Variants in ABCA13 observed in about 807,000 individuals in gnomAD.
ABCA13 encodes the protein ATP-binding cassette sub-family A member 13.
In ABCA13, 476 loss-of-function variants were observed where a neutral mutation model predicts 478.7. That is an observed-to-expected ratio of 0.99 (90% CI 0.92 to 1.07). The LOEUF (loss-of-function observed/expected upper bound fraction) is 1.07. Ranked by LOEUF, ABCA13 falls within the 50% of genes least tolerant of loss-of-function variation. ABCA13 has a pLI of 0.00. For synonymous variants in ABCA13, 2,252 were observed against 2,158.9 expected, an observed-to-expected ratio of 1.04 and a Z score of -1.20; for missense variants, 6,060 against 5,910.6, an observed-to-expected ratio of 1.03 and a Z score of -0.83.
rs577403055 is a variant in ABCA13, at chr7:48,293,299, T to A, written c.8956-2401T>A. 4.6e-5 allele frequency among the ~76,000 whole-genome samples: 7 copies of A among 151,174 alleles called. No homozygotes were observed. In the South Asian group the frequency reaches 1.3e-3, roughly 27 times the overall value. ...TCCCAACCTTGACTTTTCAGCAGTC[T>A]TCACATTTCCTTGGAACATATATTT... is the stretch of plus-strand genomic sequence containing the variant. On this transcript the variant is annotated intron_variant, in intron 20 of 61. Transcript: ENST00000435803.
In ABCA13 at chr7:48,241,135, A is replaced by T. The variant is rs143468323; in HGVS notation, c.1262+69A>T. Reference sequence around the variant, plus strand: ...ACAGAATGTTAAAGAGTGCGTGATGATACTGTTAGAAACACATTCTGTAAA... The same window carrying T: ...ACAGAATGTTAAAGAGTGCGTGATGTTACTGTTAGAAACACATTCTGTAAA... On this transcript the variant is annotated intron_variant, in intron 10 of 61. Coordinates refer to ENST00000435803, the MANE Select transcript of ABCA13 (RefSeq NM_152701.5). 4.6e-6 allele frequency: 7 copies of T among 1,534,452 alleles called. No homozygotes were observed. The Admixed American group carries it at 1.0e-4, about 22-fold the overall frequency.
intron 43 of ABCA13, among the ~76,000 whole-genome samples, chr7:48,460,054 C>T (rs1272658342): frequency 1.3e-5 from 2 of 152,022 alleles, no homozygotes; most frequent in African/African-American, 2.4e-5. Flanking sequence ...TCCTAGTTCT[C>T]CAACTAGGAG....
chr7:48,518,768 A>G (rs1323650058), intron 52 of ABCA13, among the ~76,000 whole-genome samples: 2 of 152,184 alleles, frequency 1.3e-5, no homozygotes, highest in South Asian at 2.1e-4. Flanking sequence ...AAAGAAACCA[A>G]AAAAGGTGAC....
At chr7:48,438,276 G>A (rs1823112142) in intron 42 of ABCA13, among the ~76,000 whole-genome samples, 2 of 152,046 alleles carry the variant, frequency 1.3e-5, no homozygotes, top group South Asian at 4.1e-4. Context: ...AAACACCACA[G>A]AATTTTTCCT....
Position 48,410,518 on chromosome 7 carries a change from A to G in ABCA13, c.12071-2A>G. The G allele has an allele frequency of 6.2e-7, 1 of 1,614,010 alleles. No individual in the cohort carries two copies. The highest frequency in any genetic ancestry group is 8.5e-7 in the Non-Finnish European group (1 of 1,179,868). ...GCTGATGCACCCTGTGCTTGGACCC[A>G]GGTCGTACGATCATCTTCACAACCC... On this transcript the variant is annotated splice_acceptor_variant, in intron 39 of 61. Coordinates refer to ENST00000435803, the MANE Select transcript of ABCA13 (RefSeq NM_152701.5). LOFTEE classifies it high-confidence loss of function.
chr7:48,342,493 C>A (rs1322585435), intron 29 of ABCA13, among the ~76,000 whole-genome samples: 5 of 151,624 alleles, frequency 3.3e-5, no homozygotes, highest in Non-Finnish European at 7.4e-5. Context: ...TATCTTCCAG[C>A]CTCTCCCCCT....
At position 48,350,535 on chromosome 7, in the gene ABCA13, A is replaced by G; in HGVS notation, c.10205-108A>G. ...CTCTTTTGAGCAATTTTTTAGTGGAAGAATTCATATTCATTTTCAAATCCA... is the reference window on the plus strand; with the variant it reads ...CTCTTTTGAGCAATTTTTTAGTGGAGGAATTCATATTCATTTTCAAATCCA... On this transcript the variant is annotated intron_variant, in intron 29 of 61. Coordinates refer to ENST00000435803, the MANE Select transcript of ABCA13 (RefSeq NM_152701.5). 3.1e-6 allele frequency: 4 copies of G among 1,302,396 alleles called. 1 individual carries two copies. The South Asian group carries it at 8.0e-5, about 26-fold the overall frequency. The allele number at this position is 1,302,396 out of a possible 1,614,324, so 80.7% of individuals were successfully genotyped here.
chr7:48,599,975 A>G (rs1260298656), intron 58 of ABCA13, among the ~76,000 whole-genome samples: 1 of 152,080 alleles, frequency 6.6e-6, no homozygotes, highest in Non-Finnish European at 1.5e-5. Context: ...ATTCTTGGGA[A>G]TTTTTTCCTG....
chr7:48,232,376 C>T (rs1203128695), intron 7 of ABCA13, among the ~76,000 whole-genome samples: 3 of 151,854 alleles, frequency 2.0e-5, no homozygotes, highest in Non-Finnish European at 2.9e-5. Flanking sequence ...ATTACAACAA[C>T]AAATTTGCCT....
intron 35 of ABCA13, among the ~76,000 whole-genome samples, chr7:48,384,753 G>GA (rs1276987940): frequency 1.3e-5 from 2 of 152,178 alleles, no homozygotes; most frequent in Non-Finnish European, 2.9e-5. Context: ...CAAACAACAG[G>GA]AATGTGTTGT....
At chr7:48,576,733 C>A (rs1431465859) in intron 55 of ABCA13, among the ~76,000 whole-genome samples, 6 of 152,032 alleles carry the variant, frequency 3.9e-5, no homozygotes, top group Non-Finnish European at 7.4e-5. Flanking sequence ...CCAAAGACAA[C>A]TGGGTATAAA....
intron 8 of ABCA13, among the ~76,000 whole-genome samples, chr7:48,237,462 C>G (rs1790140979): frequency 6.6e-6 from 1 of 152,184 alleles, no homozygotes; most frequent in Admixed American, 6.5e-5. Context: ...CCATGGTTAG[C>G]TTGGTATATG....
At chr7:48,238,337 G>A (rs183322225) in intron 8 of ABCA13, among the ~76,000 whole-genome samples, 5 of 152,210 alleles carry the variant, frequency 3.3e-5, no homozygotes, top group Admixed American at 2.0e-4. Context: ...TTAGACCATG[G>A]CAGTCACCAA....
At chr7:48,524,113 C>G in intron 53 of ABCA13, 135 bp from the exon 54 acceptor site, 5 of 716,060 alleles carry the variant, frequency 7.0e-6, no homozygotes, top group Non-Finnish European at 1.1e-5. Flanking sequence ...CTGGGGTGCT[C>G]TGGACAAAGC....
At chr7:48,477,177 A>G (rs1828195606) in intron 45 of ABCA13, among the ~76,000 whole-genome samples, 3 of 152,156 alleles carry the variant, frequency 2.0e-5, no homozygotes, top group South Asian at 4.1e-4. Flanking sequence ...GGACACCTAC[A>G]CGGATAATGG....
chr7:48,235,194 A>C (rs1789764376), intron 8 of ABCA13, among the ~76,000 whole-genome samples: 1 of 152,142 alleles, frequency 6.6e-6, no homozygotes, highest in South Asian at 2.1e-4. Flanking sequence ...TCCCTGGCAC[A>C]ATTTTATTAA....
At chr7:48,522,611 G>A (rs959848975) in intron 53 of ABCA13, among the ~76,000 whole-genome samples, 3 of 152,192 alleles carry the variant, frequency 2.0e-5, no homozygotes, top group Non-Finnish European at 4.4e-5. Context: ...TAACTAAGTG[G>A]CACATTTCTG....
At chr7:48,393,596 C>T (rs982986571) in intron 38 of ABCA13, among the ~76,000 whole-genome samples, 1 of 152,174 alleles carries the variant, frequency 6.6e-6, no homozygotes, top group Non-Finnish European at 1.5e-5. Context: ...TGAAAGCTCA[C>T]AGGGTTTGGG....
intron 31 of ABCA13, among the ~76,000 whole-genome samples, chr7:48,360,088 C>T (rs184646951): frequency 8.6e-5 from 13 of 151,836 alleles, no homozygotes; most frequent in Non-Finnish European, 1.6e-4. Flanking sequence ...ATGTGCACAA[C>T]GTGCAGGTTT....
Sources: gnomAD v4.1 joint callset for allele counts (sites outside exome capture counted in the v4.1 genomes callset) on GRCh38, gnomAD v4.1.1 for gene constraint, MANE v1.5 for transcripts, NCBI Gene and HGNC (gene_info 2026-07-23, HGNC 2026-07-21) for gene names.